Variants in SLC5A5 observed in about 807,000 individuals in gnomAD.
SLC5A5 encodes sodium/iodide cotransporter.
Under a neutral mutation model 68.6 loss-of-function variants are expected in SLC5A5, and 56 were observed. That is an observed-to-expected ratio of 0.82 (90% CI 0.66 to 1.02). The LOEUF is 1.02. Ranked by LOEUF, SLC5A5 falls within the 50% of genes least tolerant of loss-of-function variation. The pLI, the probability that SLC5A5 is intolerant of heterozygous loss-of-function variation, is 0.00. For synonymous variants in SLC5A5, 398 were observed against 373.0 expected (o/e 1.07, Z -0.77); for missense variants, 807 against 859.8 (o/e 0.94, Z 0.77).
In SLC5A5 at chr19:17,888,390, T is replaced by G; in HGVS notation, c.1586T>G (p.Leu529Arg). Residue 529 changes from leucine to arginine, a missense_variant, in exon 13 of 15, where the codon CTC becomes CGC. Transcript: ENST00000222248. The part of the protein sequence containing the change: ...LADSFYAISY[L>R]YYGALGTLTT... Reference sequence around the variant, plus strand: ...GACAGCTTCTATGCCATCTCCTATCTCTATTACGGTGCCCTGGGCACGCTG... The same window carrying G: ...GACAGCTTCTATGCCATCTCCTATCGCTATTACGGTGCCCTGGGCACGCTG... 2 of 1,613,948 alleles carry G rather than the reference T, an allele frequency of 1.2e-6. No homozygotes were observed. The highest frequency in any genetic ancestry group is 1.7e-6 in the Non-Finnish European group (2 of 1,180,016).
intron 1 of SLC5A5, among the ~76,000 whole-genome samples, chr19:17,873,808 T>C (rs1176495608): frequency 6.6e-6 from 1 of 151,726 alleles, no homozygotes; most frequent in Non-Finnish European, 1.5e-5. Flanking sequence ...CCAACACCAT[T>C]GGCCCGGGGC....
intron 7 of SLC5A5, 23 bp from the exon 8 acceptor site, chr19:17,880,842 G>C: frequency 6.3e-7 from 1 of 1,589,752 alleles, no homozygotes; most frequent in Non-Finnish European, 8.6e-7. Flanking sequence ...CTGTCTGGGA[G>C]GCTGACCCCC....
intron 14 of SLC5A5, among the ~76,000 whole-genome samples, chr19:17,891,561 A>C (rs1160208066): frequency 6.6e-6 from 1 of 152,038 alleles, no homozygotes; most frequent in Non-Finnish European, 1.5e-5. Context: ...GTTGAATACT[A>C]TTCCTTTTTG....
Position 17,872,239 on chromosome 19 carries a change from T to G in SLC5A5, c.-81T>G. 2.4e-5 allele frequency: 10 copies of G among 421,048 alleles called. No homozygotes were observed. The highest frequency in any genetic ancestry group is 4.7e-5 in the Non-Finnish European group (10 of 214,188). The allele number at this position is 421,048 out of a possible 1,614,324, so 26.1% of individuals were successfully genotyped here. A position where few individuals can be genotyped will look rare whatever the true frequency, so the allele number is the denominator to read the frequency against. On this transcript the variant is annotated 5_prime_UTR_variant, in exon 1 of 15. Transcript: ENST00000222248. Reference sequence around the variant, plus strand: ...ATCCTCCCACCCGCCCTCCCCGTCCTGCCTCCTCGGCCCCTGCCAGCTTCC... The same window carrying G: ...ATCCTCCCACCCGCCCTCCCCGTCCGGCCTCCTCGGCCCCTGCCAGCTTCC...
At position 17,876,089 on chromosome 19, in the gene SLC5A5, C is replaced by A. The variant is rs746239351; in HGVS notation, c.681C>A (p.Ser227=). ...TGCTCACGCTGGCCCAGAACCACTC[C>A]CGGATCAACCTCATGGAGTGAGTGA... is the stretch of plus-strand genomic sequence containing the variant. ...RQVLTLAQNH[S]RINLMDFNPD... is the part of the protein sequence containing the mutation. The change falls in exon 5 of 15, where the codon TCC becomes TCA. Residue 227 remains serine, a synonymous_variant. Coordinates refer to ENST00000222248, the MANE Select transcript of SLC5A5 (RefSeq NM_000453.3). 6.2e-7 allele frequency: 1 copy of A among 1,614,138 alleles called. No individual in the cohort carries two copies. The highest frequency in any genetic ancestry group is 2.2e-5 in the East Asian group (1 of 44,880).
intron 8 of SLC5A5, 101 bp from the exon 9 acceptor site, chr19:17,881,859 C>A: frequency 4.8e-6 from 4 of 841,512 alleles, no homozygotes; most frequent in Non-Finnish European, 8.0e-6. Flanking sequence ...GACTGGGTTA[C>A]CCCCACCGTT....
Position 17,872,483 on chromosome 19 carries a change from CG to C in SLC5A5, c.166del (p.Ala56ProfsTer41). ...EDFFTGGRRLAALPVGLSLSA... is the reference protein window; with the variant it reads ...EDFFTGGRRLXALPVGLSLSA... Reference sequence around the variant, plus strand: ...TTCTTCACCGGGGGCCGGCGCCTGGCGGCCCTGCCCGTGGGCCTGTCGCTGT... The same window carrying C: ...TTCTTCACCGGGGGCCGGCGCCTGGCGCCCTGCCCGTGGGCCTGTCGCTGT... On this transcript the variant is annotated frameshift_variant, in exon 1 of 15. Coordinates refer to ENST00000222248, the MANE Select transcript of SLC5A5 (RefSeq NM_000453.3). LOFTEE classifies it high-confidence loss of function. The C allele has an allele frequency of 6.2e-7, 1 of 1,611,488 alleles. No individual in the cohort carries two copies. The highest frequency in any genetic ancestry group is 8.5e-7 in the Non-Finnish European group (1 of 1,179,378).
chr19:17,890,454 C>T (rs949945756), intron 13 of SLC5A5, among the ~76,000 whole-genome samples: 4 of 152,118 alleles, frequency 2.6e-5, no homozygotes, highest in African/African-American at 9.7e-5. Context: ...TGCAGTGGCA[C>T]AATGACGGCT....
At chr19:17,878,224 G>A in intron 7 of SLC5A5, 131 bp downstream of exon 7, 2 of 1,088,676 alleles carry the variant, frequency 1.8e-6, no homozygotes, top group East Asian at 2.5e-5. Context: ...GCTGAGAGGA[G>A]GCCAGGTGCG....
At chr19:17,880,394 G>A (rs2147738906) in intron 7 of SLC5A5, among the ~76,000 whole-genome samples, 1 of 150,568 alleles carries the variant, frequency 6.6e-6, no homozygotes, top group South Asian at 2.1e-4. Flanking sequence ...TATGTATTTT[G>A]GGTAGAGATG....
rs905192590 is a variant in SLC5A5, at chr19:17,893,948, C to A, written c.*71C>A. On this transcript the variant is annotated 3_prime_UTR_variant, in exon 15 of 15. Coordinates refer to ENST00000222248, the MANE Select transcript of SLC5A5 (RefSeq NM_000453.3). ...GATGGGCCAAACCCAGACAACGGGCCCATGGCCTTGGGCTCTGATTGGCTG... is the reference window on the plus strand; with the variant it reads ...GATGGGCCAAACCCAGACAACGGGCACATGGCCTTGGGCTCTGATTGGCTG... 52 of 1,433,302 alleles carry A rather than the reference C, an allele frequency of 3.6e-5. No homozygotes were observed. The highest frequency in any genetic ancestry group is 4.7e-5 in the Non-Finnish European group (49 of 1,040,134). The allele number at this position is 1,433,302 out of a possible 1,614,324, so 88.8% of individuals were successfully genotyped here. A position where few individuals can be genotyped will look rare whatever the true frequency, so the allele number is the denominator to read the frequency against.
Position 17,877,749 on chromosome 19 carries a change from A to G in SLC5A5, c.725A>G (p.Tyr242Cys), listed in dbSNP as rs1417554802. ...TTTAACCCTGACCCGAGGAGCCGCT[A>G]TACATTCTGGACTTTTGTGGTGGGT... ...MDFNPDPRSR[Y>C]TFWTFVVGGT... The change falls in exon 6 of 15, where the codon TAT (tyrosine) becomes TGT (cysteine). Residue 242 changes from tyrosine to cysteine, a missense_variant. Coordinates refer to ENST00000222248, the MANE Select transcript of SLC5A5 (RefSeq NM_000453.3). The G allele has an allele frequency of 2.5e-6, 4 of 1,614,214 alleles. No homozygotes were observed. The highest frequency in any genetic ancestry group is 1.3e-5 in the African/African-American group (1 of 75,066).
At chr19:17,889,264 T>TGGCA (rs1359358844) in intron 13 of SLC5A5, among the ~76,000 whole-genome samples, 1 of 151,746 alleles carries the variant, frequency 6.6e-6, no homozygotes, top group Middle Eastern at 3.2e-3. Flanking sequence ...CTGGGCATGG[T>TGGCA]GGCAGGCGCC....
intron 13 of SLC5A5, among the ~76,000 whole-genome samples, chr19:17,888,838 C>G (rs576285066): frequency 6.6e-6 from 1 of 151,256 alleles, no homozygotes; most frequent in Non-Finnish European, 1.5e-5. Flanking sequence ...CGCCATGTGT[C>G]TCGAACTCCT....
chr19:17,888,602 TATTATTATTATTATTATC>T (rs2030022152), intron 13 of SLC5A5, 147 bp downstream of exon 13: 5 of 423,100 alleles, frequency 1.2e-5, no homozygotes, highest in African/African-American at 4.9e-5. Flanking sequence ...TTATTATTAT[TATTATTATTATTATTATC>T]ATCATCATCA....
In SLC5A5 at chr19:17,872,218, T is replaced by TGCCCCCCCCCCCCCCCCCCCCCCCCCC; in HGVS notation, c.-102_-101insGCCCCCCCCCCCCCCCCCCCCCCCCCC. 1.3e-5 allele frequency: 6 copies of TGCCCCCCCCCCCCCCCCCCCCCCCCCC among 456,252 alleles called. No individual in the cohort carries two copies. Among genetic ancestry groups the TGCCCCCCCCCCCCCCCCCCCCCCCCCC allele is most frequent in the African/African-American group, 2.0e-5 (1 of 49,216 alleles). The allele number at this position is 456,252 out of a possible 1,614,324, so 28.3% of individuals were successfully genotyped here. On this transcript the variant is annotated 5_prime_UTR_variant, in exon 1 of 15. Transcript: ENST00000222248. ...AGCGGGGACAGGCTGCCGAGCATCC[T>TGCCCCCCCCCCCCCCCCCCCCCCCCCC]CCCACCCGCCCTCCCCGTCCTGCCT...
intron 14 of SLC5A5, among the ~76,000 whole-genome samples, chr19:17,892,652 C>CAGACAG (rs1285348546): frequency 1.0e-5 from 1 of 97,338 alleles, no homozygotes; most frequent in African/African-American, 3.5e-5. Context: ...AAAGAAAAGA[C>CAGACAG]AGAGAGAGAG....
rs754204356 is a variant in SLC5A5, at chr19:17,880,894, C to T, written c.999C>T (p.Phe333=). The change falls in exon 8 of 15, where the codon TTC becomes TTT. Residue 333 remains phenylalanine (F), a synonymous_variant. Coordinates refer to ENST00000222248, the MANE Select transcript of SLC5A5 (RefSeq NM_000453.3). ...TGCCTCTGCTGGTGCTGGACATCTT[C>T]GAAGATCTGCCTGGAGTCCCCGGGC... The part of the protein sequence containing the change: ...QYMPLLVLDI[F]EDLPGVPGLF... 9.3e-6 allele frequency: 15 copies of T among 1,613,830 alleles called. No homozygotes were observed. Among genetic ancestry groups the T allele is most frequent in the South Asian group, 5.5e-5 (5 of 91,078 alleles).
intron 13 of SLC5A5, among the ~76,000 whole-genome samples, chr19:17,890,305 A>C (rs2030114577): frequency 6.6e-6 from 1 of 152,126 alleles, no homozygotes; most frequent in Non-Finnish European, 1.5e-5. Context: ...TCCTGACGTC[A>C]AGTGATCCCC....
Sources: allele counts gnomAD v4.1 joint callset (sites outside exome capture counted in the v4.1 genomes callset), GRCh38; gene constraint gnomAD v4.1.1; transcripts MANE v1.5; gene names NCBI Gene and HGNC (gene_info 2026-07-23, HGNC 2026-07-21).